FSTL4: variants seen among roughly 807,000 people sequenced by gnomAD.
The protein encoded by FSTL4 is follistatin like 4, also known as follistatin-related protein 4.
Under a neutral mutation model 78.2 loss-of-function variants are expected in FSTL4, and 28 were observed. The ratio of observed to expected loss-of-function variants is 0.36; its 90% CI spans 0.27 to 0.49. FSTL4 has a LOEUF of 0.49. Ranked by LOEUF, FSTL4 falls within the 20% of genes least tolerant of loss-of-function variation. The pLI is 0.98. For synonymous variants in FSTL4, 422 were observed against 440.5 expected (o/e 0.96, Z 0.53); for missense variants, 922 against 1,084.9 (o/e 0.85, Z 2.11).
chr5:133,748,968 A>G, the FSTL4 span, among the ~76,000 whole-genome samples: 2 of 152,216 alleles, frequency 1.3e-5, no homozygotes, highest in Non-Finnish European at 2.9e-5. Context: ...TAAAGAGCAG[A>G]TGCATGAAAC....
At position 133,326,067 on chromosome 5, in the gene FSTL4, G is replaced by A. The variant is rs115379136; in HGVS notation, c.410-9415C>T. On this transcript the variant is annotated intron_variant, in intron 4 of 15. Coordinates refer to ENST00000265342, the MANE Select transcript of FSTL4 (RefSeq NM_015082.2). The stretch of plus-strand genomic sequence containing the variant: ...GTCTATTTTGAAACTGCTAAGCTGC[G>A]CAAAGAACAAGCAGGATTTTACTCC... Among the ~76,000 whole-genome samples, 1,008 of 152,312 alleles carry A rather than the reference G, an allele frequency of 6.6e-3. 8 individuals are homozygous for A. The highest frequency in any genetic ancestry group is 0.023 in the African/African-American group (965 of 41,564).
At chr5:133,687,164 G>A in the FSTL4 span, among the ~76,000 whole-genome samples, 1 of 152,180 alleles carries the variant, frequency 6.6e-6, no homozygotes, top group Non-Finnish European at 1.5e-5. Context: ...AACTCAAGGA[G>A]TGTGGACTCG....
the FSTL4 span, among the ~76,000 whole-genome samples, chr5:133,762,526 C>T: frequency 6.6e-6 from 1 of 152,164 alleles, no homozygotes; most frequent in East Asian, 1.9e-4. Flanking sequence ...GGAAAGCACT[C>T]GATGCAAGAA....
the FSTL4 span, among the ~76,000 whole-genome samples, chr5:133,758,104 AC>A: frequency 6.6e-6 from 1 of 152,230 alleles, no homozygotes. Flanking sequence ...TACTTATGGG[AC>A]GTACTTACCA....
At chr5:133,804,444 T>C in the FSTL4 span, among the ~76,000 whole-genome samples, 4 of 152,086 alleles carry the variant, frequency 2.6e-5, no homozygotes, top group East Asian at 5.8e-4. Flanking sequence ...CAAGGATAAG[T>C]GAACTTAACC....
the FSTL4 span, among the ~76,000 whole-genome samples, chr5:133,826,169 G>A: frequency 6.6e-6 from 1 of 152,192 alleles, no homozygotes; most frequent in African/African-American, 2.4e-5. Context: ...CTGAGACTAG[G>A]GCAGCTTGCG....
the FSTL4 span, among the ~76,000 whole-genome samples, chr5:133,656,087 T>C: frequency 6.6e-6 from 1 of 152,182 alleles, no homozygotes; most frequent in Non-Finnish European, 1.5e-5. Context: ...TTAGTCTGCA[T>C]TCTCCTAGAA....
chr5:133,628,796 T>C, the FSTL4 span, among the ~76,000 whole-genome samples: 1 of 152,002 alleles, frequency 6.6e-6, no homozygotes, highest in African/African-American at 2.4e-5. Context: ...AATAAAAAAA[T>C]AGGAATTCTT....
intron 11 of FSTL4, among the ~76,000 whole-genome samples, chr5:133,222,834 G>C (rs1480482415): frequency 1.3e-5 from 2 of 152,216 alleles, no homozygotes; most frequent in Non-Finnish European, 2.9e-5. Flanking sequence ...GTTGAGACTT[G>C]TGTGTCCCCT....
chr5:133,827,823 C>T, the FSTL4 span, among the ~76,000 whole-genome samples: 1 of 151,936 alleles, frequency 6.6e-6, no homozygotes, highest in Admixed American at 6.5e-5. Context: ...AAGGACAGAG[C>T]ATGAGGCATG....
intron 4 of FSTL4, among the ~76,000 whole-genome samples, chr5:133,392,871 T>C (rs531838676): frequency 6.6e-6 from 1 of 152,344 alleles, no homozygotes; most frequent in South Asian, 2.1e-4. Context: ...CTTACTCAGC[T>C]CAGTAACTTC....
At chr5:133,792,470 G>C in the FSTL4 span, among the ~76,000 whole-genome samples, 2 of 152,162 alleles carry the variant, frequency 1.3e-5, no homozygotes, top group Admixed American at 6.5e-5. Context: ...TGAGAAAATA[G>C]GTGACACACC....
chr5:133,736,459 T>C, the FSTL4 span, among the ~76,000 whole-genome samples: 1 of 152,086 alleles, frequency 6.6e-6, no homozygotes, highest in Non-Finnish European at 1.5e-5. Flanking sequence ...AGAAGGAACA[T>C]GAGATTTAAA....
At position 133,199,784 on chromosome 5, in the gene FSTL4, A is replaced by G. The variant is rs763998335; in HGVS notation, c.1840T>C (p.Phe614Leu). Reference protein sequence around the residue: ...IINHIRFGFIFNKSDPAVHKV... With the variant: ...IINHIRFGFILNKSDPAVHKV... Reference sequence around the variant, plus strand: ...TGGACTGCAGGATCAGACTTGTTGAAGATGAAGCCAAACCTGGGAGGGGAA... The same window carrying G: ...TGGACTGCAGGATCAGACTTGTTGAGGATGAAGCCAAACCTGGGAGGGGAA... Residue 614 changes from phenylalanine (F) to leucine (L), a missense_variant, in exon 16 of 16, where the codon TTC becomes CTC. Transcript: ENST00000265342. The surrounding 1 kb of genome is among the most constrained non-coding windows in gnomAD (Gnocchi z 4.4). 6.5e-7 allele frequency: 1 copy of G among 1,543,930 alleles called. No individual in the cohort carries two copies.
the FSTL4 span, among the ~76,000 whole-genome samples, chr5:133,834,590 C>G: frequency 1.3e-5 from 2 of 151,862 alleles, no homozygotes; most frequent in Non-Finnish European, 2.9e-5. Context: ...CACCAAATAT[C>G]AAAAATATCA....
the FSTL4 span, among the ~76,000 whole-genome samples, chr5:133,827,461 T>A: frequency 6.6e-6 from 1 of 152,110 alleles, no homozygotes; most frequent in Non-Finnish European, 1.5e-5. Context: ...TGGATGCAGA[T>A]AGTCTTGGGA....
intron 4 of FSTL4, among the ~76,000 whole-genome samples, chr5:133,366,210 C>T (rs1424877979): frequency 6.6e-6 from 1 of 152,164 alleles, no homozygotes; most frequent in Non-Finnish European, 1.5e-5. Context: ...CTCTCTTTCC[C>T]CTGATTTTTG....
chr5:133,674,684 G>A, the FSTL4 span, among the ~76,000 whole-genome samples: 2 of 151,958 alleles, frequency 1.3e-5, no homozygotes, highest in African/African-American at 2.4e-5. Context: ...CTGCTCCCTG[G>A]GGATCATAGT....
At chr5:133,823,476 T>C in the FSTL4 span, among the ~76,000 whole-genome samples, 1 of 152,084 alleles carries the variant, frequency 6.6e-6, no homozygotes, top group Non-Finnish European at 1.5e-5. Context: ...TGAAAGTCAG[T>C]CTTAGGGGAC....
Sources: gnomAD v4.1 joint callset for allele counts (sites outside exome capture counted in the v4.1 genomes callset) on GRCh38, gnomAD v4.1.1 for gene constraint, Gnocchi (gnomAD v3.1) non-coding constraint, MANE v1.5 for transcripts, NCBI Gene and HGNC (gene_info 2026-07-23, HGNC 2026-07-21) for gene names.